LGSN: variants seen among roughly 807,000 people sequenced by gnomAD.
The protein encoded by LGSN is lengsin.
In LGSN, 21 loss-of-function variants were observed where a neutral mutation model predicts 19.5. The observed-to-expected ratio is 1.07, with a 90% CI of 0.76 to 1.55. The LOEUF is 1.55. LGSN is among the 40% of genes most tolerant of loss of function. LGSN has a pLI of 0.00. For synonymous variants in LGSN, 257 were observed against 215.6 expected, an observed-to-expected ratio of 1.19 and a Z score of -1.68; for missense variants, 673 against 608.5, an observed-to-expected ratio of 1.11 and a Z score of -1.12.
chr6:63,554,919 G>C, the LGSN span, among the ~76,000 whole-genome samples: 2 of 152,216 alleles, frequency 1.3e-5, no homozygotes, highest in Admixed American at 6.5e-5. Flanking sequence ...GATTTTCACA[G>C]AAATTATGTT....
the LGSN span, among the ~76,000 whole-genome samples, chr6:63,463,836 A>G: frequency 6.6e-6 from 1 of 152,216 alleles, no homozygotes; most frequent in African/African-American, 2.4e-5. Flanking sequence ...CATCTAATTT[A>G]ATACTTGAAC....
At chr6:63,444,251 A>G in the LGSN span, among the ~76,000 whole-genome samples, 67 of 152,332 alleles carry the variant, frequency 4.4e-4, no homozygotes, top group African/African-American at 1.5e-3. Flanking sequence ...AAACAGAAAG[A>G]TGAGTTAAAT....
chr6:63,317,197 T>A (rs1472639803), intron 1 of LGSN, among the ~76,000 whole-genome samples: 1 of 152,188 alleles, frequency 6.6e-6, no homozygotes, highest in Non-Finnish European at 1.5e-5. Context: ...GTATATGTAA[T>A]GAATGACTCC....
the LGSN span, among the ~76,000 whole-genome samples, chr6:63,394,167 G>A: frequency 2.6e-5 from 4 of 152,148 alleles, no homozygotes; most frequent in South Asian, 4.1e-4. Flanking sequence ...AGGAGGCTGA[G>A]GCAAGAGAAT....
At chr6:63,488,999 G>A in the LGSN span, among the ~76,000 whole-genome samples, 1 of 152,020 alleles carries the variant, frequency 6.6e-6, no homozygotes, top group African/African-American at 2.4e-5. Context: ...TTTTAAACTG[G>A]CAATCCATAA....
chr6:63,477,002 T>C, the LGSN span, among the ~76,000 whole-genome samples: 1 of 152,234 alleles, frequency 6.6e-6, no homozygotes, highest in African/African-American at 2.4e-5. Context: ...AAACCCTTCC[T>C]AGTAGTCAAG....
At chr6:63,412,559 AAAGAAAGAAAGGAAGG>A in the LGSN span, among the ~76,000 whole-genome samples, 17 of 135,106 alleles carry the variant, frequency 1.3e-4, no homozygotes, top group Middle Eastern at 3.8e-3. Context: ...AGAAAGAAAG[AAAGAAAGAAAGGAAGG>A]AAGGAAAGAA....
At chr6:63,401,739 T>C in the LGSN span, among the ~76,000 whole-genome samples, 1 of 152,216 alleles carries the variant, frequency 6.6e-6, no homozygotes, top group African/African-American at 2.4e-5. Context: ...GGTTTAGCTC[T>C]AGAGAAGTCT....
At chr6:63,350,322 G>C in the LGSN span, among the ~76,000 whole-genome samples, 1 of 152,078 alleles carries the variant, frequency 6.6e-6, no homozygotes, top group Non-Finnish European at 1.5e-5. Flanking sequence ...GTTGTTAGTA[G>C]GACCAAATTT....
chr6:63,393,250 C>T, the LGSN span, among the ~76,000 whole-genome samples: 1 of 151,596 alleles, frequency 6.6e-6, no homozygotes, highest in African/African-American at 2.4e-5. Context: ...ACACTGCAAC[C>T]TCTATCTCCT....
chr6:63,548,212 G>A, the LGSN span, among the ~76,000 whole-genome samples: 1 of 152,042 alleles, frequency 6.6e-6, no homozygotes, highest in African/African-American at 2.4e-5. Context: ...CTGCATTACT[G>A]TTATTTATCT....
At chr6:63,336,523 G>C in the LGSN span, among the ~76,000 whole-genome samples, 1 of 42,258 alleles carries the variant, frequency 2.4e-5, no homozygotes, top group Non-Finnish European at 4.7e-5. Flanking sequence ...GAATATCTGT[G>C]TGTGTGTGTG....
chr6:63,434,939 C>T, the LGSN span, among the ~76,000 whole-genome samples: 1 of 152,252 alleles, frequency 6.6e-6, no homozygotes, highest in Non-Finnish European at 1.5e-5. Context: ...CCTGTTCTCT[C>T]TTCTTTGCCA....
the LGSN span, among the ~76,000 whole-genome samples, chr6:63,335,926 A>G: frequency 6.6e-6 from 1 of 151,640 alleles, no homozygotes; most frequent in African/African-American, 2.4e-5. Flanking sequence ...CTAAGTGTCC[A>G]TCAACAGATG....
At chr6:63,483,288 T>G in the LGSN span, among the ~76,000 whole-genome samples, 17 of 152,196 alleles carry the variant, frequency 1.1e-4, no homozygotes. Context: ...TCTTTATTCT[T>G]TTCATCTCAT....
the LGSN span, among the ~76,000 whole-genome samples, chr6:63,422,918 G>T: frequency 6.6e-6 from 1 of 152,166 alleles, no homozygotes; most frequent in South Asian, 2.1e-4. Flanking sequence ...AAAAGACAGA[G>T]ATTGGCATAG....
At chr6:63,524,193 C>T in the LGSN span, among the ~76,000 whole-genome samples, 1 of 152,080 alleles carries the variant, frequency 6.6e-6, no homozygotes, top group African/African-American at 2.4e-5. Context: ...CCCTCTTGTC[C>T]AGGCTGGTCT....
At chr6:63,471,690 A>G in the LGSN span, among the ~76,000 whole-genome samples, 1 of 151,848 alleles carries the variant, frequency 6.6e-6, no homozygotes, top group Non-Finnish European at 1.5e-5. Context: ...TCAGTAGACC[A>G]ATATAATGGA....
At chr6:63,462,824 G>C in the LGSN span, among the ~76,000 whole-genome samples, 1 of 152,088 alleles carries the variant, frequency 6.6e-6, no homozygotes, top group East Asian at 1.9e-4. Flanking sequence ...CCAAGATCAT[G>C]GTAGATAGGA....
Sources: gnomAD v4.1 joint callset for allele counts (sites outside exome capture counted in the v4.1 genomes callset) on GRCh38, gnomAD v4.1.1 for gene constraint, MANE v1.5 for transcripts, NCBI Gene and HGNC (gene_info 2026-07-23, HGNC 2026-07-21) for gene names.